Variants in TMC5 observed in about 807,000 individuals in gnomAD.
The protein encoded by TMC5 is transmembrane channel like 5, also known as transmembrane channel-like protein 5.
A neutral mutation model predicts 110.5 loss-of-function variants in TMC5; 86 were observed. The ratio of observed to expected loss-of-function variants is 0.78; its 90% CI spans 0.65 to 0.93. TMC5 has a LOEUF of 0.93. Among genes scored for constraint, TMC5 ranks in the 40% least tolerant of loss-of-function variants. The pLI, the probability that TMC5 is intolerant of heterozygous loss-of-function variation, is 0.00. For missense variants in TMC5, 1,144 were observed against 1,222.8 expected (o/e 0.94, Z 0.96); for synonymous variants, 455 against 439.5 (o/e 1.04, Z -0.44).
chr16:19,481,008 GT>G (rs1968606107), intron 14 of TMC5, among the ~76,000 whole-genome samples: 2 of 151,956 alleles, frequency 1.3e-5, no homozygotes, highest in African/African-American at 4.8e-5. Flanking sequence ...GTTTATTTGA[GT>G]TGAGAGGTGC....
intron 5 of TMC5, among the ~76,000 whole-genome samples, chr16:19,455,859 T>C (rs1183426761): frequency 6.6e-6 from 1 of 152,134 alleles, no homozygotes; most frequent in East Asian, 1.9e-4. Context: ...GAGATAATAA[T>C]TGTATCACTG....
At chr16:19,451,639 G>C (rs753596362) in intron 5 of TMC5, among the ~76,000 whole-genome samples, 3 of 151,876 alleles carry the variant, frequency 2.0e-5, no homozygotes, top group Non-Finnish European at 4.4e-5. Flanking sequence ...CCAAGAAAGC[G>C]ATCAATTTTA....
At chr16:19,497,064 G>T in intron 20 of TMC5, 57 bp from the exon 21 acceptor site, 1 of 1,591,926 alleles carries the variant, frequency 6.3e-7, no homozygotes, top group Non-Finnish European at 8.6e-7. Context: ...TATGTGACAA[G>T]ACCCAGAATC....
chr16:19,482,877 T>A (rs1414313709), intron 15 of TMC5, among the ~76,000 whole-genome samples: 2 of 152,056 alleles, frequency 1.3e-5, no homozygotes, highest in Admixed American at 1.3e-4. Flanking sequence ...TATTTATTTT[T>A]AATTTTCTTA....
At chr16:19,477,207 C>T in intron 12 of TMC5, 1 of 369,332 alleles carries the variant, frequency 2.7e-6, no homozygotes. Flanking sequence ...GAGATCGCGC[C>T]ACTGCACTCC....
At chr16:19,447,256 T>C (rs757664650) in intron 4 of TMC5, among the ~76,000 whole-genome samples, 6 of 152,194 alleles carry the variant, frequency 3.9e-5, no homozygotes, top group Non-Finnish European at 7.4e-5. Context: ...GTGAGTGACC[T>C]AGGGCAATGT....
intron 18 of TMC5, 59 bp downstream of exon 18, chr16:19,490,627 C>A: frequency 1.3e-6 from 2 of 1,569,880 alleles, no homozygotes; most frequent in South Asian, 2.2e-5. Flanking sequence ...AGGGAAACAG[C>A]AGTAGGGATG....
rs959833452 is a variant in TMC5 at position 19,430,482 on chromosome 16, C to A, written c.-238C>A. The A allele has an allele frequency of 6.6e-6, 1 of 152,380 alleles. No individual in the cohort carries two copies. Among genetic ancestry groups the A allele is most frequent in the Non-Finnish European group, 1.5e-5 (1 of 68,052 alleles). 9.4% of individuals were successfully genotyped at this position (152,380 alleles called of 1,614,324 possible). ...TTCAGACCAGCATCACAGATTATAA[C>A]CCTCCGTAAATCATCTGCATCCCAG... On this transcript the variant is annotated 5_prime_UTR_variant, in exon 2 of 22. Coordinates refer to ENST00000542583, the MANE Select transcript of TMC5 (RefSeq NM_001261841.2).
chr16:19,456,239 A>AAT (rs200497672), intron 5 of TMC5, among the ~76,000 whole-genome samples: 10,528 of 149,310 alleles, frequency 0.071, 797 homozygotes, highest in African/African-American at 0.19. Flanking sequence ...ACACATTTAG[A>AAT]ATATATATAT....
At chr16:19,495,925 G>C (rs1440271074) in intron 20 of TMC5, among the ~76,000 whole-genome samples, 1 of 152,174 alleles carries the variant, frequency 6.6e-6, no homozygotes, top group East Asian at 1.9e-4. Context: ...CTTGAGGTCA[G>C]GGGTTCGAGA....
intron 12 of TMC5, among the ~76,000 whole-genome samples, chr16:19,476,520 G>A (rs1339484638): frequency 6.6e-6 from 1 of 152,128 alleles, no homozygotes. Flanking sequence ...TGCATATTGA[G>A]TATGATGGGC....
Position 19,446,843 on chromosome 16 carries a change from G to A in TMC5, c.958+2593G>A, listed in dbSNP as rs562387330. On this transcript the variant is annotated intron_variant, in intron 4 of 21. Coordinates refer to ENST00000542583, the MANE Select transcript of TMC5 (RefSeq NM_001261841.2). ...GCTCACTTCTCTGGGATCTTTTGTA[G>A]GGCAAAGTTTGCAGCCCTTGGCAAT... 2.6e-5 allele frequency among the ~76,000 whole-genome samples: 4 copies of A among 152,240 alleles called. No homozygotes were observed. In the South Asian group the frequency reaches 8.3e-4, roughly 32 times the overall value.
chr16:19,496,982 G>A (rs1969072662), intron 20 of TMC5, 139 bp from the exon 21 acceptor site: 1 of 706,394 alleles, frequency 1.4e-6, no homozygotes. Context: ...TATTTCTATG[G>A]CGGAGACTTG....
intron 1 of TMC5, among the ~76,000 whole-genome samples, chr16:19,424,739 C>T (rs925227596): frequency 2.0e-5 from 3 of 152,174 alleles, no homozygotes; most frequent in African/African-American, 7.2e-5. Context: ...AGTTCAGGAG[C>T]TTCTGTCCCA....
At chr16:19,441,307 A>T (rs1967485246) in intron 3 of TMC5, among the ~76,000 whole-genome samples, 1 of 143,922 alleles carries the variant, frequency 6.9e-6, no homozygotes, top group African/African-American at 2.7e-5. Context: ...TTTTTTGGTC[A>T]TTTTTTTTTC....
chr16:19,413,508 T>G (rs1335078723), upstream of TMC5, among the ~76,000 whole-genome samples: 2 of 112,908 alleles, frequency 1.8e-5, no homozygotes, highest in Non-Finnish European at 1.7e-5. Context: ...TAGGCGACAT[T>G]GCCAAACCCT....
chr16:19,463,460 A>G, intron 7 of TMC5, 93 bp downstream of exon 7: 1 of 1,095,562 alleles, frequency 9.1e-7, no homozygotes, highest in Non-Finnish European at 1.4e-6. Context: ...TGAACCAAAA[A>G]TCAGAGCAAT....
At chr16:19,419,193 C>A (rs1202942898) in intron 1 of TMC5, among the ~76,000 whole-genome samples, 1 of 152,138 alleles carries the variant, frequency 6.6e-6, no homozygotes, top group East Asian at 1.9e-4. Context: ...AATACCTCCC[C>A]ATAAAGTTGT....
At chr16:19,465,071 TCCTTCCTTCC>T (rs1968145596) in intron 8 of TMC5, among the ~76,000 whole-genome samples, 1 of 52,370 alleles carries the variant, frequency 1.9e-5, no homozygotes, top group African/African-American at 7.0e-5. Flanking sequence ...CTTCCTTCCT[TCCTTCCTTCC>T]TTCCTTCCTT....
Sources: allele counts gnomAD v4.1 joint callset (sites outside exome capture counted in the v4.1 genomes callset), GRCh38; gene constraint gnomAD v4.1.1; transcripts MANE v1.5; gene names NCBI Gene and HGNC (gene_info 2026-07-23, HGNC 2026-07-21).